The following SGTB variants were observed in gnomAD, a reference collection of about 807,000 sequenced individuals.
SGTB encodes the protein small glutamine-rich tetratricopeptide repeat-containing protein beta.
SGTB carries 19 observed loss-of-function variants against 43.9 expected under a neutral mutation model. The ratio of observed to expected loss-of-function variants is 0.43; its 90% CI spans 0.30 to 0.63. SGTB has a LOEUF of 0.63. Ranked by LOEUF, SGTB falls within the 30% of genes least tolerant of loss-of-function variation. SGTB has a pLI of 0.12. For synonymous variants in SGTB, 116 were observed against 117.3 expected (o/e 0.99, Z 0.07); for missense variants, 304 against 358.9 (o/e 0.85, Z 1.24).
In SGTB at chr5:65,670,159, T is replaced by C; in HGVS notation, c.*87A>G. 7.8e-6 allele frequency: 9 copies of C among 1,155,224 alleles called. No individual in the cohort carries two copies. Among genetic ancestry groups the C allele is most frequent in the Non-Finnish European group, 1.1e-5 (9 of 797,792 alleles). The allele number at this position is 1,155,224 out of a possible 1,614,324, so 71.6% of individuals were successfully genotyped here. On this transcript the variant is annotated 3_prime_UTR_variant, in exon 11 of 11. Coordinates refer to ENST00000381007, the MANE Select transcript of SGTB (RefSeq NM_019072.3). The stretch of plus-strand genomic sequence containing the variant: ...ACATCAGATATGGTGTTTGGTTTTT[T>C]GAAGGAGGGAGGGGGTACTATCTAC...
intron 3 of SGTB, 48 bp downstream of exon 3, chr5:65,712,913 A>C (rs1369381078): frequency 7.0e-7 from 1 of 1,432,076 alleles, no homozygotes; most frequent in East Asian, 2.3e-5. Flanking sequence ...CTATTAACAT[A>C]AAATTGTAGT....
At chr5:65,680,436 T>C (rs1050425115) in intron 8 of SGTB, 58 bp downstream of exon 8, 9 of 1,578,896 alleles carry the variant, frequency 5.7e-6, no homozygotes, top group Admixed American at 1.8e-5. Context: ...AAAAATTGCA[T>C]AGCTACATAG....
intron 8 of SGTB, 92 bp from the exon 9 acceptor site, chr5:65,672,373 C>T (rs958131223): frequency 7.0e-7 from 1 of 1,435,742 alleles, no homozygotes; most frequent in African/African-American, 1.4e-5. Flanking sequence ...AAAGCTAAAT[C>T]ATGTATGCAC....
At chr5:65,682,798 T>A (rs1757422302) in intron 6 of SGTB, among the ~76,000 whole-genome samples, 1 of 152,136 alleles carries the variant, frequency 6.6e-6, no homozygotes, top group Non-Finnish European at 1.5e-5. Context: ...AGTTCAAACA[T>A]ATAAATTAGA....
At chr5:65,722,118 C>G (rs1369184291), upstream of SGTB, 1 of 183,048 alleles carries the variant, frequency 5.5e-6, no homozygotes, top group East Asian at 1.5e-4. Context: ...CTGGCCAGCA[C>G]CGCCCCTGGG....
chr5:65,670,949 T>C (rs1482970490), intron 10 of SGTB, among the ~76,000 whole-genome samples: 1 of 152,154 alleles, frequency 6.6e-6, no homozygotes, highest in East Asian at 1.9e-4. Flanking sequence ...CAGACACAGA[T>C]TCAAAAAGCA....
intron 5 of SGTB, among the ~76,000 whole-genome samples, chr5:65,701,324 C>T (rs1329669807): frequency 1.3e-5 from 2 of 151,848 alleles, no homozygotes; most frequent in South Asian, 2.1e-4. Context: ...TAACAAGTTT[C>T]GAATGGGTTA....
In SGTB at chr5:65,692,805, T is replaced by A. The variant is rs28690087; in HGVS notation, c.375-7333A>T. Among the ~76,000 whole-genome samples, 229 of 152,276 alleles carry A rather than the reference T, an allele frequency of 1.5e-3. 1 individual carries two copies. The highest frequency in any genetic ancestry group is 5.5e-3 in the African/African-American group (227 of 41,554). On this transcript the variant is annotated intron_variant, in intron 5 of 10. Coordinates refer to ENST00000381007, the MANE Select transcript of SGTB (RefSeq NM_019072.3). ...TGGTATGATAGTTATATGAAACATA[T>A]CCCTATTCTTGGGAGATATAGCTGA... is the stretch of plus-strand genomic sequence containing the variant.
chr5:65,704,997 A>C (rs996988137), intron 4 of SGTB, among the ~76,000 whole-genome samples: 6 of 152,362 alleles, frequency 3.9e-5, no homozygotes, highest in African/African-American at 1.4e-4. Flanking sequence ...TAGCCTGCAA[A>C]GTACTGATTT....
intron 2 of SGTB, 128 bp downstream of exon 2, chr5:65,720,580 G>A: frequency 1.0e-6 from 1 of 1,000,078 alleles, no homozygotes; most frequent in Non-Finnish European, 1.4e-6. Context: ...CTTATAGTCA[G>A]GCCTCTCCTC....
intron 2 of SGTB, 129 bp downstream of exon 2, chr5:65,720,579 A>G: frequency 1.0e-6 from 1 of 980,546 alleles, no homozygotes. Flanking sequence ...CCTTATAGTC[A>G]GGCCTCTCCT....
chr5:65,699,772 A>G (rs544744042), intron 5 of SGTB, among the ~76,000 whole-genome samples: 6 of 152,354 alleles, frequency 3.9e-5, no homozygotes, highest in Middle Eastern at 3.4e-3. Context: ...TGTTATTGAT[A>G]TAAGATATGG....
At chr5:65,696,591 G>T (rs1006958832) in intron 5 of SGTB, among the ~76,000 whole-genome samples, 3 of 152,120 alleles carry the variant, frequency 2.0e-5, no homozygotes, top group Admixed American at 2.0e-4. Context: ...TGCTATAGGG[G>T]ATACAAATAG....
At chr5:65,692,992 G>A (rs536279166) in intron 5 of SGTB, among the ~76,000 whole-genome samples, 2 of 152,188 alleles carry the variant, frequency 1.3e-5, no homozygotes, top group African/African-American at 4.8e-5. Flanking sequence ...AATCACTTCA[G>A]GTCAGGAGTT....
chr5:65,711,652 A>G (rs1758048727), intron 3 of SGTB, among the ~76,000 whole-genome samples: 1 of 152,254 alleles, frequency 6.6e-6, no homozygotes, highest in Non-Finnish European at 1.5e-5. Flanking sequence ...GTCATACAAT[A>G]AGAATTCATC....
intron 5 of SGTB, among the ~76,000 whole-genome samples, chr5:65,700,141 T>C (rs2150716173): frequency 1.3e-5 from 2 of 152,304 alleles, no homozygotes; most frequent in South Asian, 4.1e-4. Context: ...GAAAGTAGGT[T>C]AAATGAGAGT....
intron 3 of SGTB, among the ~76,000 whole-genome samples, chr5:65,712,582 C>G (rs535494685): frequency 3.9e-5 from 6 of 152,122 alleles, no homozygotes; most frequent in Non-Finnish European, 8.8e-5. Context: ...GCTTCCTAGA[C>G]ATTAAAACTT....
chr5:65,693,530 T>C (rs1404105071), intron 5 of SGTB, among the ~76,000 whole-genome samples: 1 of 152,120 alleles, frequency 6.6e-6, no homozygotes, highest in African/African-American at 2.4e-5. Flanking sequence ...TACTATTCTC[T>C]CTCAAGAAGT....
At position 65,690,871 on chromosome 5, in the gene SGTB, T is replaced by C. The variant is rs149798939; in HGVS notation, c.375-5399A>G. ...GAATAAAACAAACAATTGATCCTAA[T>C]TGTATATCAAAAACAATTCAAATCA... On this transcript the variant is annotated intron_variant, in intron 5 of 10. Coordinates refer to ENST00000381007, the MANE Select transcript of SGTB (RefSeq NM_019072.3). Among the ~76,000 whole-genome samples the C allele has an allele frequency of 3.3e-5, 5 of 152,324 alleles. No individual in the cohort carries two copies. The East Asian group carries it at 7.7e-4, about 23-fold the overall frequency.
Sources: allele counts gnomAD v4.1 joint callset (sites outside exome capture counted in the v4.1 genomes callset), GRCh38; gene constraint gnomAD v4.1.1; transcripts MANE v1.5; gene names NCBI Gene and HGNC (gene_info 2026-07-23, HGNC 2026-07-21).